The following AOPEP variants were observed in gnomAD, a reference collection of about 807,000 sequenced individuals.
AOPEP encodes aminopeptidase O.
Under a neutral mutation model 98.1 loss-of-function variants are expected in AOPEP, and 77 were observed. The ratio of observed to expected loss-of-function variants is 0.78; its 90% confidence interval spans 0.65 to 0.95. AOPEP has a LOEUF of 0.95. AOPEP is among the 40% of genes least tolerant of loss of function. The pLI is 0.00. For synonymous variants in AOPEP, 346 were observed against 365.3 expected (o/e 0.95, Z 0.60); for missense variants, 1,024 against 1,024.7 (o/e 1.00, Z 0.01).
At chr9:94,863,426 G>A (rs374057493) in intron 5 of AOPEP, among the ~76,000 whole-genome samples, 8 of 152,044 alleles carry the variant, frequency 5.3e-5, no homozygotes, top group South Asian at 2.1e-4. Context: ...GACTACAGGC[G>A]CCCACCACCA....
chr9:94,781,588 T>A (rs998573801), intron 3 of AOPEP, among the ~76,000 whole-genome samples: 4 of 150,760 alleles, frequency 2.7e-5, no homozygotes, highest in Non-Finnish European at 4.4e-5. Context: ...TGAGACAGAG[T>A]CTCATTCTGT....
intron 13 of AOPEP, among the ~76,000 whole-genome samples, chr9:95,050,945 A>AGT (rs1214727406): frequency 6.6e-5 from 10 of 152,306 alleles, no homozygotes; most frequent in African/African-American, 2.2e-4. Context: ...ATTTGCTAAG[A>AGT]GTGTATGTGT....
chr9:94,825,650 T>C (rs1282545592), intron 5 of AOPEP, among the ~76,000 whole-genome samples: 2 of 152,214 alleles, frequency 1.3e-5, no homozygotes, highest in Non-Finnish European at 2.9e-5. Flanking sequence ...TTCTAGAGAA[T>C]GTTGTTTCCT....
chr9:95,067,110 C>T (rs1408548623), intron 14 of AOPEP, among the ~76,000 whole-genome samples: 1 of 151,348 alleles, frequency 6.6e-6, no homozygotes, highest in Non-Finnish European at 1.5e-5. Flanking sequence ...CTTCTGGTGG[C>T]TTTCATGTAC....
At chr9:94,840,634 T>C (rs1339203884) in intron 5 of AOPEP, among the ~76,000 whole-genome samples, 4 of 152,256 alleles carry the variant, frequency 2.6e-5, no homozygotes, top group African/African-American at 9.6e-5. Flanking sequence ...CCTAGAGATT[T>C]CCTTTTCAGA....
intron 7 of AOPEP, 103 bp downstream of exon 7, chr9:94,928,634 T>G: frequency 1.3e-6 from 1 of 789,252 alleles, no homozygotes; most frequent in Non-Finnish European, 2.0e-6. Flanking sequence ...CTTTTTAAAT[T>G]AAGTTGGGGT....
At chr9:94,933,896 C>T (rs1022311591) in intron 7 of AOPEP, among the ~76,000 whole-genome samples, 10 of 151,746 alleles carry the variant, frequency 6.6e-5, no homozygotes, top group South Asian at 2.1e-4. Context: ...TACAGGTGCC[C>T]GCCACCACAC....
the AOPEP span, among the ~76,000 whole-genome samples, chr9:95,105,661 C>T: frequency 6.6e-6 from 1 of 152,198 alleles, no homozygotes; most frequent in Admixed American, 6.5e-5. Flanking sequence ...CCACCCTCTG[C>T]CTTGGGAAAC....
At chr9:94,727,789 A>G (rs983115349) in intron 1 of AOPEP, among the ~76,000 whole-genome samples, 80 of 152,366 alleles carry the variant, frequency 5.3e-4, no homozygotes, top group Non-Finnish European at 8.8e-4. Flanking sequence ...GGGACAAAGT[A>G]GAATAAGGTT....
chr9:95,101,948 A>G, the AOPEP span: 184 of 1,355,524 alleles, frequency 1.4e-4, no homozygotes, highest in Admixed American at 3.0e-4. Flanking sequence ...CCCTGAAAGA[A>G]GCCCTATCCA....
At chr9:94,787,615 C>G (rs770415370) in intron 3 of AOPEP, among the ~76,000 whole-genome samples, 1 of 152,182 alleles carries the variant, frequency 6.6e-6, no homozygotes, top group Non-Finnish European at 1.5e-5. Context: ...CTCCTTATCT[C>G]TAAATTGCTT....
chr9:95,055,720 A>G (rs2066758515), intron 13 of AOPEP, among the ~76,000 whole-genome samples: 2 of 152,160 alleles, frequency 1.3e-5, no homozygotes, highest in South Asian at 4.1e-4. Context: ...AAGATATTTT[A>G]TGTCAGTGGG....
At chr9:95,148,660 T>C in the AOPEP span, among the ~76,000 whole-genome samples, 6 of 152,230 alleles carry the variant, frequency 3.9e-5, no homozygotes, top group Admixed American at 1.3e-4. Context: ...TTGGAAGATA[T>C]ACATAACTCA....
At chr9:95,124,970 C>G in the AOPEP span, 1 of 888,740 alleles carries the variant, frequency 1.1e-6, no homozygotes, top group Admixed American at 2.0e-5. Context: ...AGGAACCTTT[C>G]TTTGTGAGCA....
intron 5 of AOPEP, among the ~76,000 whole-genome samples, chr9:94,818,116 C>T (rs935349325): frequency 6.6e-6 from 1 of 152,156 alleles, no homozygotes; most frequent in African/African-American, 2.4e-5. Flanking sequence ...AGTGCTCTAT[C>T]CCCAGCTCTG....
In AOPEP at chr9:94,760,284, G is replaced by A. The variant is rs1267516058; in HGVS notation, c.501G>A (p.Leu167=). The change falls in exon 2 of 17, where the codon CTG becomes CTA. Residue 167 remains leucine (L), a synonymous_variant. Coordinates refer to ENST00000375315, the MANE Select transcript of AOPEP (RefSeq NM_001193329.3). ...EEVDVAAVPG[L]EKFTRSPELT... ...TGGATGTTGCTGCTGTGCCAGGTCT[G>A]GAAAAATTTACAAGGTCTCCTGAGC... 2 of 1,614,136 alleles carry A rather than the reference G, an allele frequency of 1.2e-6. No homozygotes were observed. The highest frequency in any genetic ancestry group is 3.3e-5 in the Admixed American group (2 of 60,018).
chr9:95,150,194 C>A, the AOPEP span: 1 of 1,149,448 alleles, frequency 8.7e-7, no homozygotes, highest in African/African-American at 1.5e-5. Flanking sequence ...ACCTGTTTTG[C>A]CTCTAAATAA....
At chr9:94,856,266 A>G (rs1045737518) in intron 5 of AOPEP, among the ~76,000 whole-genome samples, 5 of 152,154 alleles carry the variant, frequency 3.3e-5, no homozygotes, top group African/African-American at 1.2e-4. Flanking sequence ...ACTCAGGTAT[A>G]AAAGCTAGGT....
rs1486293846 is a variant in AOPEP at position 94,750,754 on chromosome 9, TTC to T, written c.-135-8893_-135-8892del. Among the ~76,000 whole-genome samples the T allele has an allele frequency of 2.7e-5, 4 of 145,938 alleles. No individual in the cohort carries two copies. In the East Asian group the frequency reaches 8.1e-4, roughly 29 times the overall value. Reference sequence around the variant, plus strand: ...TGATTTTTCTTTTCTTTTCTTTTCTTTCTTTTTTTTTTTTTTTTGTGAGACGG... The same window carrying T: ...TGATTTTTCTTTTCTTTTCTTTTCTTTTTTTTTTTTTTTTTTGTGAGACGG... On this transcript the variant is annotated intron_variant, in intron 1 of 16. Transcript: ENST00000375315.
Sources: allele counts gnomAD v4.1 joint callset (sites outside exome capture counted in the v4.1 genomes callset), GRCh38; gene constraint gnomAD v4.1.1; transcripts MANE v1.5; gene names NCBI Gene and HGNC (gene_info 2026-07-23, HGNC 2026-07-21).